The following PCDH11X variants were observed in gnomAD, a reference collection of about 807,000 sequenced individuals.
PCDH11X encodes the protein protocadherin 11 X-linked.
A neutral mutation model predicts 53.3 loss-of-function variants in PCDH11X; 18 were observed. The observed-to-expected ratio is 0.34, with a 90% confidence interval of 0.23 to 0.50. The LOEUF (loss-of-function observed/expected upper bound fraction) is 0.50, where lower values mean the gene tolerates loss of function less well. Ranked by LOEUF, PCDH11X falls within the 20% of genes least tolerant of loss-of-function variation. The pLI is 0.98. For missense variants in PCDH11X, 570 were observed against 1,032.4 expected (o/e 0.55, Z 6.14); for synonymous variants, 279 against 393.3 (o/e 0.71, Z 3.44).
intron 6 of PCDH11X, among the ~76,000 whole-genome samples, chrX:92,049,184 A>C (rs1214408663): frequency 9.0e-6 from 1 of 110,965 alleles, no homozygotes; most frequent in Admixed American, 9.7e-5. Context: ...CTGGAAAGGA[A>C]GGAAGGAAAG....
At chrX:92,511,013 T>C (rs998763633) in intron 10 of PCDH11X, among the ~76,000 whole-genome samples, 8 of 111,371 alleles carry the variant, frequency 7.2e-5, no homozygotes, top group African/African-American at 2.0e-4. Flanking sequence ...GGTGGTGCTA[T>C]AGCACCTATA....
intron 8 of PCDH11X, among the ~76,000 whole-genome samples, chrX:92,277,027 G>T (rs1480860702): frequency 9.0e-6 from 1 of 111,223 alleles, no homozygotes; most frequent in African/African-American, 3.3e-5. Flanking sequence ...AGCTGGACCA[G>T]GTGTGAGGAG....
At chrX:92,435,056 G>A (rs2072338898) in intron 9 of PCDH11X, among the ~76,000 whole-genome samples, 1 of 110,697 alleles carries the variant, frequency 9.0e-6, no homozygotes, top group Non-Finnish European at 1.9e-5. Flanking sequence ...TAAGAACAAA[G>A]ATCACTGAGA....
chrX:92,587,762 C>T (rs887847462), intron 10 of PCDH11X, among the ~76,000 whole-genome samples: 5 of 107,234 alleles, frequency 4.7e-5, no homozygotes, highest in Non-Finnish European at 9.7e-5. Context: ...GAAATCTATT[C>T]TTTGCAGATA....
chrX:91,806,091 T>C (rs1936095979), intron 1 of PCDH11X, among the ~76,000 whole-genome samples: 1 of 113,340 alleles, frequency 8.8e-6, no homozygotes, highest in South Asian at 3.4e-4. Flanking sequence ...GCCTTTGTAA[T>C]AGCATGTGGC....
chrX:92,514,299 G>A (rs5942276), intron 10 of PCDH11X, among the ~76,000 whole-genome samples: 13,499 of 104,344 alleles, frequency 0.13, 759 homozygotes, highest in African/African-American at 0.22. Context: ...CAAAGCAGCT[G>A]TGCCATTTTA....
At chrX:91,869,703 T>C (rs1194250687) in intron 5 of PCDH11X, among the ~76,000 whole-genome samples, 1 of 110,982 alleles carries the variant, frequency 9.0e-6, no homozygotes, top group East Asian at 2.8e-4. Context: ...ATGCTTGAAA[T>C]ACAGTCTTTA....
At chrX:92,270,144 C>G (rs1221218445) in intron 8 of PCDH11X, among the ~76,000 whole-genome samples, 3 of 101,370 alleles carry the variant, frequency 3.0e-5, no homozygotes, top group Non-Finnish European at 5.9e-5. Flanking sequence ...GAGACTCGCT[C>G]TGTCCCCTGG....
At chrX:92,456,877 AAT>A (rs1280406527) in intron 9 of PCDH11X, among the ~76,000 whole-genome samples, 3 of 107,599 alleles carry the variant, frequency 2.8e-5, no homozygotes, top group Non-Finnish European at 5.8e-5. Flanking sequence ...GTAGATATCC[AAT>A]ATGTTTCACC....
intron 9 of PCDH11X, among the ~76,000 whole-genome samples, chrX:92,461,857 C>G (rs2073052973): frequency 9.0e-6 from 1 of 111,183 alleles, no homozygotes; most frequent in African/African-American, 3.3e-5. Flanking sequence ...TCAAACAACT[C>G]AATAGGAAAA....
At chrX:92,013,314 C>A (rs1409555073) in intron 6 of PCDH11X, among the ~76,000 whole-genome samples, 3 of 111,502 alleles carry the variant, frequency 2.7e-5, no homozygotes, top group African/African-American at 9.8e-5. Context: ...ACCTAGGAAT[C>A]CAACTTACAA....
chrX:91,950,599 T>TAAATGTG (rs2061627928), intron 6 of PCDH11X, among the ~76,000 whole-genome samples: 2 of 105,850 alleles, frequency 1.9e-5, no homozygotes, highest in African/African-American at 3.4e-5. Flanking sequence ...GATATATATA[T>TAAATGTG]ATATATATAC....
intron 10 of PCDH11X, among the ~76,000 whole-genome samples, chrX:92,505,797 T>C (rs1161349057): frequency 1.8e-5 from 2 of 109,787 alleles, no homozygotes; most frequent in Non-Finnish European, 3.9e-5. Flanking sequence ...CTTTGGGCAC[T>C]ATGGAATGCT....
At chrX:92,594,646 G>A (rs1190139741) in intron 10 of PCDH11X, among the ~76,000 whole-genome samples, 4 of 109,337 alleles carry the variant, frequency 3.7e-5, no homozygotes, top group Non-Finnish European at 7.6e-5. Context: ...TCAGCTATAG[G>A]ACTCTGACAG....
intron 10 of PCDH11X, among the ~76,000 whole-genome samples, chrX:92,491,465 A>T (rs2073764688): frequency 9.1e-6 from 1 of 109,902 alleles, no homozygotes; most frequent in African/African-American, 3.3e-5. Flanking sequence ...TATTGTCTAT[A>T]TTTAAGGTGT....
intron 6 of PCDH11X, among the ~76,000 whole-genome samples, chrX:92,111,500 A>T (rs972609156): frequency 9.3e-6 from 1 of 107,180 alleles, no homozygotes; most frequent in African/African-American, 3.4e-5. Flanking sequence ...TTAATATTTC[A>T]TTTTTTTTTA....
At chrX:92,274,676 T>G (rs1420473451) in intron 8 of PCDH11X, among the ~76,000 whole-genome samples, 1 of 110,490 alleles carries the variant, frequency 9.1e-6, no homozygotes, top group South Asian at 3.9e-4. Context: ...GAATAGCAGA[T>G]GGAACACTGA....
At chrX:91,847,540 A>G (rs1319726976) in intron 5 of PCDH11X, among the ~76,000 whole-genome samples, 2 of 111,022 alleles carry the variant, frequency 1.8e-5, no homozygotes, top group African/African-American at 6.6e-5. Context: ...TTTCCATTTT[A>G]CATCCTTCTT....
chrX:91,997,892 T>C (rs2062446103), intron 6 of PCDH11X, among the ~76,000 whole-genome samples: 1 of 109,486 alleles, frequency 9.1e-6, no homozygotes, highest in African/African-American at 3.3e-5. Context: ...TTCAGCCTCC[T>C]CATGTGTAAT....
Sources: allele counts gnomAD v4.1 joint callset (sites outside exome capture counted in the v4.1 genomes callset), GRCh38; gene constraint gnomAD v4.1.1; transcripts MANE v1.5; gene names NCBI Gene and HGNC (gene_info 2026-07-23, HGNC 2026-07-21).